The following SORCS2 variants were observed in gnomAD, a reference collection of about 807,000 sequenced individuals.
SORCS2 encodes sortilin related VPS10 domain containing receptor 2, also known as VPS10 domain-containing receptor SorCS2.
In SORCS2, 100 loss-of-function variants were observed where a neutral mutation model predicts 141.6. That is an observed-to-expected ratio of 0.71 (90% confidence interval 0.60 to 0.83). The LOEUF is 0.83. Among genes scored for constraint, SORCS2 ranks in the 40% least tolerant of loss-of-function variants. SORCS2 has a pLI of 0.00. For missense variants in SORCS2, 1,646 were observed against 1,560.2 expected (o/e 1.05, Z -0.93); for synonymous variants, 789 against 676.9 (o/e 1.17, Z -2.57).
intron 3 of SORCS2, among the ~76,000 whole-genome samples, chr4:7,613,541 C>T (rs1201191213): frequency 1.3e-5 from 2 of 152,146 alleles, no homozygotes; most frequent in African/African-American, 4.8e-5. Flanking sequence ...AGGATAACTC[C>T]AAAGTTAGCC....
Position 7,724,687 on chromosome 4 carries a change from G to A in SORCS2, c.2612-467G>A, listed in dbSNP as rs371040713. On this transcript the variant is annotated intron_variant, in intron 19 of 26. Transcript: ENST00000507866. ...GGTGATAATGGTGGTAGTGGTGATG[G>A]TGGTGGTGTTGGTGATGGTGGTGAT... 3.1e-5 allele frequency among the ~76,000 whole-genome samples: 3 copies of A among 98,074 alleles called. 1 individual carries two copies. Among genetic ancestry groups the A allele is most frequent in the East Asian group, 3.2e-4 (1 of 3,174 alleles). The allele number at this position is 98,074 out of a possible 152,430, so 64.3% of individuals were successfully genotyped here.
At chr4:7,607,064 A>G (rs934293269) in intron 3 of SORCS2, among the ~76,000 whole-genome samples, 1 of 152,084 alleles carries the variant, frequency 6.6e-6, no homozygotes, top group African/African-American at 2.4e-5. Context: ...GCCCCCGTCA[A>G]TTTTTCTGCC....
intron 1 of SORCS2, among the ~76,000 whole-genome samples, chr4:7,332,530 T>C (rs556796791): frequency 6.6e-6 from 1 of 152,274 alleles, no homozygotes; most frequent in East Asian, 1.9e-4. Context: ...GACCCTGGCC[T>C]AGGCAACACT....
At chr4:7,294,667 CCCT>C (rs138190603) in intron 1 of SORCS2, among the ~76,000 whole-genome samples, 29,248 of 93,724 alleles carry the variant, frequency 0.31, 5,889 homozygotes, top group African/African-American at 0.36. Flanking sequence ...CTCTTCCTCT[CCCT>C]CCTCCTCCTC....
At chr4:7,266,585 T>C (rs955102726) in intron 1 of SORCS2, among the ~76,000 whole-genome samples, 1 of 152,214 alleles carries the variant, frequency 6.6e-6, no homozygotes, top group African/African-American at 2.4e-5. Context: ...CACAGCCTGT[T>C]AGCTGTGAGT....
intron 14 of SORCS2, among the ~76,000 whole-genome samples, chr4:7,706,016 G>T: frequency 6.8e-6 from 1 of 146,332 alleles, no homozygotes; most frequent in Admixed American, 6.8e-5. Flanking sequence ...ACAGGGATGA[G>T]GCTGGGCTCT....
intron 1 of SORCS2, among the ~76,000 whole-genome samples, chr4:7,295,262 C>T (rs1716968754): frequency 7.1e-6 from 1 of 141,640 alleles, no homozygotes. Flanking sequence ...TATGGCCGCC[C>T]ACACAATGAG....
intron 1 of SORCS2, among the ~76,000 whole-genome samples, chr4:7,391,981 C>T (rs539379267): frequency 9.8e-5 from 15 of 152,300 alleles, no homozygotes; most frequent in South Asian, 4.1e-4. Context: ...CAGCTGCTGC[C>T]GGACCGGCCC....
intron 2 of SORCS2, among the ~76,000 whole-genome samples, chr4:7,523,072 C>A (rs987484755): frequency 7.8e-6 from 1 of 127,694 alleles, no homozygotes; most frequent in African/African-American, 2.9e-5. Flanking sequence ...TCTCCCCTTT[C>A]CTTCCTCTTC....
At chr4:7,490,853 A>T (rs1731273914) in intron 2 of SORCS2, among the ~76,000 whole-genome samples, 2 of 152,090 alleles carry the variant, frequency 1.3e-5, no homozygotes, top group South Asian at 2.1e-4. Flanking sequence ...CTCCCTGGGC[A>T]CTGCCCTGCT....
rs1323324451 is a variant in SORCS2, at chr4:7,693,892, G to C, written c.1592-3306G>C. Among the ~76,000 whole-genome samples the C allele has an allele frequency of 6.6e-5, 10 of 152,350 alleles. No individual in the cohort carries two copies. In the East Asian group the frequency reaches 1.9e-3, roughly 29 times the overall value. On this transcript the variant is annotated intron_variant, in intron 11 of 26. Transcript: ENST00000507866. Reference sequence around the variant, plus strand: ...GGCCTGGCTGAGGGGCCTGGGTGGGGTTGGGAGCTGAACTGAGCCCCACCA... The same window carrying C: ...GGCCTGGCTGAGGGGCCTGGGTGGGCTTGGGAGCTGAACTGAGCCCCACCA...
chr4:7,310,224 T>A (rs1418670347), intron 1 of SORCS2, among the ~76,000 whole-genome samples: 1 of 152,096 alleles, frequency 6.6e-6, no homozygotes, highest in African/African-American at 2.4e-5. Flanking sequence ...GTCATCACAT[T>A]TAATCTCCTC....
intron 1 of SORCS2, among the ~76,000 whole-genome samples, chr4:7,197,985 T>C (rs1727266356): frequency 6.6e-6 from 1 of 152,158 alleles, no homozygotes; most frequent in Non-Finnish European, 1.5e-5. Flanking sequence ...AATGCTCAGA[T>C]CAGAGCCTGG....
chr4:7,728,501 T>G, intron 22 of SORCS2, 39 bp downstream of exon 22: 2 of 1,483,288 alleles, frequency 1.3e-6, no homozygotes, highest in African/African-American at 1.4e-5. Flanking sequence ...AGCCCCACGG[T>G]GCTTCCGGCA....
intron 1 of SORCS2, among the ~76,000 whole-genome samples, chr4:7,208,402 G>T (rs1024284796): frequency 2.0e-5 from 3 of 152,182 alleles, no homozygotes; most frequent in African/African-American, 7.2e-5. Flanking sequence ...GGGGATTGGC[G>T]GGGAGGGAGG....
chr4:7,218,144 G>T (rs1221667635), intron 1 of SORCS2, among the ~76,000 whole-genome samples: 1 of 152,118 alleles, frequency 6.6e-6, no homozygotes, highest in African/African-American at 2.4e-5. Context: ...GGAGGTTTCC[G>T]AGTGGGCGGA....
intron 24 of SORCS2, 128 bp downstream of exon 24, chr4:7,733,549 G>A (rs1711884105): frequency 5.3e-6 from 4 of 752,924 alleles, no homozygotes; most frequent in Non-Finnish European, 6.3e-6. Flanking sequence ...CGCCTCTGAT[G>A]GAACTGAGAA....
Position 7,703,334 on chromosome 4 carries a change from G to A in SORCS2, c.1723G>A (p.Ala575Thr). The change falls in exon 13 of 27, where the codon GCC becomes ACC. Residue 575 changes from alanine (A) to threonine (T), a missense_variant. Coordinates refer to ENST00000507866, the MANE Select transcript of SORCS2 (RefSeq NM_020777.3). Reference protein sequence around the residue: ...LYLDHGGVIVAIKDTSIPLKI... With the variant: ...LYLDHGGVIVTIKDTSIPLKI... ...CCTGGACCACGGCGGCGTGATCGTGGCCATCAAAGACACCTCCATCCCTTT... is the reference window on the plus strand; with the variant it reads ...CCTGGACCACGGCGGCGTGATCGTGACCATCAAAGACACCTCCATCCCTTT... 1 of 1,613,402 alleles carries A rather than the reference G, an allele frequency of 6.2e-7. No individual in the cohort carries two copies. The highest frequency in any genetic ancestry group is 1.3e-5 in the African/African-American group (1 of 75,036).
intron 2 of SORCS2, among the ~76,000 whole-genome samples, chr4:7,479,572 C>T (rs1730504147): frequency 6.6e-6 from 1 of 152,206 alleles, no homozygotes; most frequent in South Asian, 2.1e-4. Flanking sequence ...GCGCTGGAGC[C>T]CCCTACCCCT....
Sources: gnomAD v4.1 joint callset for allele counts (sites outside exome capture counted in the v4.1 genomes callset) on GRCh38, gnomAD v4.1.1 for gene constraint, MANE v1.5 for transcripts, NCBI Gene and HGNC (gene_info 2026-07-23, HGNC 2026-07-21) for gene names.